The following SCIN variants were observed in gnomAD, a reference collection of about 807,000 sequenced individuals.
The protein encoded by SCIN is scinderin.
In SCIN, 91 loss-of-function variants were observed where a neutral mutation model predicts 91.8. That is an observed-to-expected ratio of 0.99 (90% CI 0.84 to 1.18). The LOEUF (loss-of-function observed/expected upper bound fraction) is 1.18. SCIN is among the 50% of genes most tolerant of loss of function. The pLI, the probability that SCIN is intolerant of heterozygous loss-of-function variation, is 0.00. For synonymous variants in SCIN, 367 were observed against 312.6 expected (o/e 1.17, Z -1.84); for missense variants, 1,087 against 863.9 (o/e 1.26, Z -3.24).
chr7:12,637,483 C>A (rs541351757), intron 10 of SCIN, among the ~76,000 whole-genome samples: 2 of 149,826 alleles, frequency 1.3e-5, no homozygotes, highest in African/African-American at 4.9e-5. Context: ...AGAGAAAAGA[C>A]AGGGAGAAAG....
chr7:12,606,632 CATATA>C lies in SCIN; in HGVS notation c.666+1974_666+1978del, dbSNP rs148408515. On this transcript the variant is annotated intron_variant, in intron 4 of 15. Coordinates refer to ENST00000297029, the MANE Select transcript of SCIN (RefSeq NM_001112706.3). ...AATTTTATATGCAATATTATACTAA[CATATA>C]ATATGTGTATATAGCTCTGTATTCA... Among the ~76,000 whole-genome samples, 267 of 152,192 alleles carry C rather than the reference CATATA, an allele frequency of 1.8e-3. 1 individual carries two copies. Among genetic ancestry groups the C allele is most frequent in the African/African-American group, 6.3e-3 (260 of 41,536 alleles).
At chr7:12,587,575 T>C (rs769055260) in intron 3 of SCIN, among the ~76,000 whole-genome samples, 2 of 151,962 alleles carry the variant, frequency 1.3e-5, no homozygotes, top group Non-Finnish European at 2.9e-5. Context: ...CAGCCACTAC[T>C]GCATTCTTCT....
intron 4 of SCIN, among the ~76,000 whole-genome samples, chr7:12,620,166 A>G (rs1783378497): frequency 6.6e-6 from 1 of 152,078 alleles, no homozygotes; most frequent in South Asian, 2.1e-4. Flanking sequence ...ACCACAATCA[A>G]TATAATTAAC....
intron 9 of SCIN, among the ~76,000 whole-genome samples, chr7:12,631,977 C>T (rs2529786): frequency 0.24 from 36,531 of 151,912 alleles, 4,991 homozygotes; most frequent in South Asian, 0.43. Context: ...TAGAAGGAGC[C>T]AAATTGCAAA....
intron 9 of SCIN, among the ~76,000 whole-genome samples, chr7:12,635,611 CAAAAAAAAAAAAAAAAAAAA>C (rs59324421): frequency 1.7e-4 from 1 of 5,848 alleles, no homozygotes; most frequent in Non-Finnish European, 4.5e-4. Flanking sequence ...GACTCCGTCT[CAAAAAAAAAAAAAAAAAAAA>C]AAAAAAAAAA....
rs747596209 is a variant in SCIN at position 12,651,886 on chromosome 7, G to C, written c.2005G>C (p.Glu669Gln). Residue 669 changes from glutamate to glutamine, a missense_variant, in exon 15 of 16, where the codon GAA becomes CAA. Glu to Gln is a conservative substitution (Grantham distance 29). Transcript: ENST00000297029. The surrounding 1 kb of genome is among the most constrained non-coding windows in gnomAD (Gnocchi z 5.9). ...GKDANEVEKK[E>Q]SLKSAKMYLE... ...AGATGCTAATGAAGTTGAGAAAAAA[G>C]AATCTCTGAAGTCTGGTAAGCTCAA... is the stretch of plus-strand genomic sequence containing the variant. 1.1e-5 allele frequency: 18 copies of C among 1,603,230 alleles called. No homozygotes were observed. Among genetic ancestry groups the C allele is most frequent in the Non-Finnish European group, 1.4e-5 (17 of 1,173,026 alleles).
intron 3 of SCIN, among the ~76,000 whole-genome samples, chr7:12,592,366 G>C (rs73062660): frequency 2.0e-5 from 3 of 152,140 alleles, no homozygotes; most frequent in African/African-American, 7.2e-5. Flanking sequence ...TATATGGAGA[G>C]TGTGTTGGTC....
intron 1 of SCIN, among the ~76,000 whole-genome samples, chr7:12,572,454 A>G (rs56778534): frequency 0.021 from 3,154 of 152,342 alleles, 93 homozygotes; most frequent in African/African-American, 0.072. Flanking sequence ...TCCATGCAGA[A>G]CTTAAATCTA....
intron 5 of SCIN, among the ~76,000 whole-genome samples, chr7:12,623,886 T>C (rs989267237): frequency 1.3e-5 from 2 of 152,206 alleles, no homozygotes; most frequent in Admixed American, 6.5e-5. Flanking sequence ...GTAATTTTAA[T>C]ATGAGCCATA....
At chr7:12,639,301 G>A (rs1240496873) in intron 10 of SCIN, among the ~76,000 whole-genome samples, 1 of 152,188 alleles carries the variant, frequency 6.6e-6, no homozygotes, top group African/African-American at 2.4e-5. Flanking sequence ...CTGACAAAAC[G>A]TTTCCATAAT....
At chr7:12,635,809 G>T (rs1783739392) in intron 9 of SCIN, among the ~76,000 whole-genome samples, 1 of 151,736 alleles carries the variant, frequency 6.6e-6, no homozygotes, top group Non-Finnish European at 1.5e-5. Context: ...AGAAGCAAAA[G>T]CTCAATTTCT....
chr7:12,603,847 T>G (rs560504261), intron 3 of SCIN, among the ~76,000 whole-genome samples: 1 of 152,200 alleles, frequency 6.6e-6, no homozygotes, highest in South Asian at 2.1e-4. Flanking sequence ...TCTTGAACAA[T>G]TAATGCCTTT....
At chr7:12,616,872 C>T (rs1481846277) in intron 4 of SCIN, among the ~76,000 whole-genome samples, 1 of 152,110 alleles carries the variant, frequency 6.6e-6, no homozygotes, top group African/African-American at 2.4e-5. Flanking sequence ...TTTTTCTCAG[C>T]ATTGTCACCT....
At position 12,644,569 on chromosome 7, in the gene SCIN, G is replaced by A. The variant is rs753391760; in HGVS notation, c.1760-15G>A. ...CCCTGAAAATGCACTGGATAACTGA[G>A]TGTGTTTTCCACAGAGGAGTTCTGG... On this transcript the variant is annotated splice_polypyrimidine_tract_variant and intron_variant, in intron 12 of 15. Transcript: ENST00000297029. The A allele has an allele frequency of 2.7e-5, 43 of 1,612,442 alleles. No individual in the cohort carries two copies. Among genetic ancestry groups the A allele is most frequent in the Non-Finnish European group, 3.4e-5 (40 of 1,179,356 alleles).
chr7:12,591,011 C>A (rs1228741736), intron 3 of SCIN, among the ~76,000 whole-genome samples: 2 of 152,064 alleles, frequency 1.3e-5, no homozygotes, highest in Non-Finnish European at 2.9e-5. Context: ...TCAAGGGAAA[C>A]AACTGCATAT....
At chr7:12,624,710 T>A (rs1783476258) in intron 5 of SCIN, among the ~76,000 whole-genome samples, 1 of 152,214 alleles carries the variant, frequency 6.6e-6, no homozygotes, top group East Asian at 1.9e-4. Flanking sequence ...TTATCACTAT[T>A]CTTTTCTGAT....
intron 10 of SCIN, among the ~76,000 whole-genome samples, chr7:12,638,198 C>T (rs1333839575): frequency 6.6e-6 from 1 of 152,182 alleles, no homozygotes; most frequent in Non-Finnish European, 1.5e-5. Context: ...TAGTGTGCCC[C>T]AATGTGTCCG....
intron 4 of SCIN, among the ~76,000 whole-genome samples, chr7:12,616,695 T>C (rs986280378): frequency 2.5e-4 from 38 of 152,066 alleles, no homozygotes; most frequent in African/African-American, 8.9e-4. Flanking sequence ...ATAACAGATA[T>C]ATCTTGCCTC....
In SCIN at chr7:12,620,417, T is replaced by G. The variant is rs1040913583; in HGVS notation, c.667-2384T>G. Among the ~76,000 whole-genome samples, 6 of 152,148 alleles carry G rather than the reference T, an allele frequency of 3.9e-5. No individual in the cohort carries two copies. In the East Asian group the frequency reaches 1.2e-3, roughly 29 times the overall value. ...CTCTATTTCTATGAATTGGATATTTTGGATTCCACATATTAATGAGATCAT... is the reference window on the plus strand; with the variant it reads ...CTCTATTTCTATGAATTGGATATTTGGGATTCCACATATTAATGAGATCAT... On this transcript the variant is annotated intron_variant, in intron 4 of 15. Coordinates refer to ENST00000297029, the MANE Select transcript of SCIN (RefSeq NM_001112706.3).
Sources: allele counts gnomAD v4.1 joint callset (sites outside exome capture counted in the v4.1 genomes callset), GRCh38; gene constraint gnomAD v4.1.1; non-coding constraint Gnocchi (gnomAD v3.1); transcripts MANE v1.5; gene names NCBI Gene and HGNC (gene_info 2026-07-23, HGNC 2026-07-21).